The following SLC9A7 variants were observed in gnomAD, a reference collection of about 807,000 sequenced individuals.
The protein encoded by SLC9A7 is sodium/hydrogen exchanger 7.
In SLC9A7, 19 loss-of-function variants were observed where a neutral mutation model predicts 52.6. The observed-to-expected ratio is 0.36, with a 90% CI of 0.25 to 0.53. The LOEUF (loss-of-function observed/expected upper bound fraction) is 0.53, where lower values mean the gene tolerates loss of function less well. Among genes scored for constraint, SLC9A7 ranks in the 20% least tolerant of loss-of-function variants. SLC9A7 has a pLI of 0.91. For synonymous variants in SLC9A7, 226 were observed against 252.1 expected (o/e 0.90, Z 0.98); for missense variants, 455 against 597.9 (o/e 0.76, Z 2.49).
intron 7 of SLC9A7, among the ~76,000 whole-genome samples, chrX:46,655,383 AG>A (rs1943661279): frequency 8.9e-6 from 1 of 112,384 alleles, no homozygotes; most frequent in South Asian, 3.7e-4. Context: ...ATGGCCGTAT[AG>A]GAACAGCTCC....
chrX:46,618,930 T>A (rs1942997464), intron 15 of SLC9A7, among the ~76,000 whole-genome samples: 1 of 88,157 alleles, frequency 1.1e-5, no homozygotes, highest in Non-Finnish European at 2.2e-5. Context: ...GGTGACAGAG[T>A]GAGACTCTGT....
chrX:46,671,560 C>T (rs1435975845), intron 4 of SLC9A7, among the ~76,000 whole-genome samples: 1 of 111,580 alleles, frequency 9.0e-6, no homozygotes, highest in Non-Finnish European at 1.9e-5. Context: ...TGAGCCACTT[C>T]GCCCTGCCAG....
intron 1 of SLC9A7, among the ~76,000 whole-genome samples, chrX:46,687,907 A>C (rs1944320738): frequency 8.9e-5 from 10 of 111,954 alleles, no homozygotes. Context: ...CCGTTTCTGG[A>C]CTTTTAATAT....
intron 7 of SLC9A7, among the ~76,000 whole-genome samples, chrX:46,657,190 T>C (rs371737227): frequency 1.1e-4 from 12 of 110,289 alleles, no homozygotes; most frequent in African/African-American, 3.3e-4. Context: ...TTTGTCACCA[T>C]CAGGCCTGCC....
intron 1 of SLC9A7, among the ~76,000 whole-genome samples, chrX:46,732,857 A>C (rs1396768417): frequency 1.8e-5 from 2 of 112,009 alleles, no homozygotes; most frequent in Non-Finnish European, 3.8e-5. Flanking sequence ...ATTATGGTAC[A>C]TCCAAACAAT....
chrX:46,715,557 G>A (rs761315215), intron 1 of SLC9A7, among the ~76,000 whole-genome samples: 2 of 111,757 alleles, frequency 1.8e-5, no homozygotes, highest in Non-Finnish European at 3.8e-5. Context: ...TTTTGCGAAT[G>A]TGCCCTCATT....
At chrX:46,729,225 T>C (rs1944989311) in intron 1 of SLC9A7, among the ~76,000 whole-genome samples, 1 of 112,205 alleles carries the variant, frequency 8.9e-6, no homozygotes, top group Non-Finnish European at 1.9e-5. Context: ...AGTGCAATAA[T>C]TAAATAACTT....
intron 7 of SLC9A7, among the ~76,000 whole-genome samples, chrX:46,655,997 G>A (rs2146793584): frequency 9.0e-6 from 1 of 110,878 alleles, no homozygotes; most frequent in African/African-American, 3.3e-5. Context: ...AGAGAGCAGT[G>A]GTTCTCCCAG....
intron 15 of SLC9A7, among the ~76,000 whole-genome samples, chrX:46,616,360 C>CA (rs1426210267): frequency 4.1e-5 from 4 of 97,570 alleles, no homozygotes; most frequent in Admixed American, 1.1e-4. Flanking sequence ...AAAACAAAAA[C>CA]AAAAAAACAA....
rs767861596 is a variant in SLC9A7, at chrX:46,672,410, T to C, written c.680+141A>G. ...AATTTAAATAGCCACACGTGGCTAA[T>C]AGCTACCATACTGAACGGTGTAACT... is the stretch of plus-strand genomic sequence containing the variant. On this transcript the variant is annotated intron_variant, in intron 4 of 16. Transcript: ENST00000616978. The C allele has an allele frequency of 5.6e-5, 21 of 375,161 alleles. No individual in the cohort carries two copies. In the South Asian group the frequency reaches 9.8e-4, roughly 17 times the overall value. The allele number at this position is 375,161 out of a possible 1,213,427, so 30.9% of individuals were successfully genotyped here. A position where few individuals can be genotyped will look rare whatever the true frequency, so the allele number is the denominator to read the frequency against.
chrX:46,669,158 ACT>A (rs1215635727), intron 5 of SLC9A7, among the ~76,000 whole-genome samples: 3 of 87,198 alleles, frequency 3.4e-5, no homozygotes, highest in Non-Finnish European at 6.9e-5. Context: ...ACAGAGCAAG[ACT>A]CTGTCTCAAA....
chrX:46,635,657 C>T lies in SLC9A7; in HGVS notation c.1617-9G>A. On this transcript the variant is annotated splice_polypyrimidine_tract_variant and intron_variant, in intron 12 of 16. Transcript: ENST00000616978. ...GCTCCTCGACGCCAACTCTGGGCAG[C>T]AGAAGAAGGGAACGTGAGTGTGACA... is the stretch of plus-strand genomic sequence containing the variant. 2 of 1,202,537 alleles carry T rather than the reference C, an allele frequency of 1.7e-6. No individual in the cohort carries two copies. Among genetic ancestry groups the T allele is most frequent in the Non-Finnish European group, 2.3e-6 (2 of 887,429 alleles).
At chrX:46,646,386 G>A (rs923872697) in intron 11 of SLC9A7, among the ~76,000 whole-genome samples, 2 of 111,750 alleles carry the variant, frequency 1.8e-5, no homozygotes, top group African/African-American at 3.3e-5. Context: ...TGCCCTCCCC[G>A]GAGATGCTAT....
chrX:46,650,862 T>C (rs1178311239), intron 10 of SLC9A7, among the ~76,000 whole-genome samples: 2 of 111,401 alleles, frequency 1.8e-5, no homozygotes, highest in African/African-American at 6.5e-5. Context: ...ATACATGCAG[T>C]CCTTTAAATC....
At chrX:46,747,532 ACTC>A (rs914979512) in intron 1 of SLC9A7, among the ~76,000 whole-genome samples, 3 of 111,436 alleles carry the variant, frequency 2.7e-5, no homozygotes, top group African/African-American at 9.8e-5. Context: ...TGGGTTTCAA[ACTC>A]CTCATTTTTC....
chrX:46,669,587 A>G lies in SLC9A7; in HGVS notation c.793+20T>C, dbSNP rs373851083. 1.0e-5 allele frequency: 9 copies of G among 889,190 alleles called. No homozygotes were observed. Among genetic ancestry groups the G allele is most frequent in the African/African-American group, 2.0e-5 (1 of 49,086 alleles). The allele number at this position is 889,190 out of a possible 1,213,427, so 73.3% of individuals were successfully genotyped here. On this transcript the variant is annotated intron_variant, in intron 5 of 16. Coordinates refer to ENST00000616978, the MANE Select transcript of SLC9A7 (RefSeq NM_001257291.2). ...AATGGAATATCATAATAATAAAGAC[A>G]AATACACAAAGCCAAATACCTGGGT...
chrX:46,744,412 G>A lies in SLC9A7; in HGVS notation c.325+14293C>T, dbSNP rs181826431. On this transcript the variant is annotated intron_variant, in intron 1 of 16. Transcript: ENST00000616978. ...AGGTAACTGGAGTCTGCTACACCTC[G>A]TTCATTCTACACTCAACAAAAGTAA... 8.8e-4 allele frequency among the ~76,000 whole-genome samples: 99 copies of A among 112,376 alleles called. 1 individual carries two copies. The highest frequency in any genetic ancestry group is 7.3e-3 in the Admixed American group (78 of 10,615).
intron 14 of SLC9A7, among the ~76,000 whole-genome samples, chrX:46,630,978 T>C (rs1432105421): frequency 8.9e-6 from 1 of 112,531 alleles, no homozygotes; most frequent in Non-Finnish European, 1.9e-5. Context: ...TGCACAGACA[T>C]TCCTGTCAGA....
In SLC9A7 at chrX:46,606,192, C is replaced by A; in HGVS notation, c.*760G>T. ...AAGTTGAATGCTTTTTGCAGTGATA[C>A]CATCATCAGTTTCTAAATACCTCCT... is the stretch of plus-strand genomic sequence containing the variant. On this transcript the variant is annotated 3_prime_UTR_variant, in exon 17 of 17. Transcript: ENST00000616978. The A allele has an allele frequency of 1.4e-6, 1 of 729,740 alleles. No individual in the cohort carries two copies. Among genetic ancestry groups the A allele is most frequent in the Non-Finnish European group, 1.6e-6 (1 of 617,255 alleles). 60.1% of individuals were successfully genotyped at this position (729,740 alleles called of 1,213,427 possible).
Sources: allele counts gnomAD v4.1 joint callset (sites outside exome capture counted in the v4.1 genomes callset), GRCh38; gene constraint gnomAD v4.1.1; transcripts MANE v1.5; gene names NCBI Gene and HGNC (gene_info 2026-07-23, HGNC 2026-07-21).